Variants in FBXL13 observed in about 807,000 individuals in gnomAD.
The protein encoded by FBXL13 is F-box and leucine-rich repeat protein 13.
Under a neutral mutation model 83.6 loss-of-function variants are expected in FBXL13, and 67 were observed. The ratio of observed to expected loss-of-function variants is 0.80; its 90% confidence interval spans 0.66 to 0.98. The LOEUF is 0.98. Among genes scored for constraint, FBXL13 ranks in the 50% least tolerant of loss-of-function variants. The pLI, the probability that FBXL13 is intolerant of heterozygous loss-of-function variation, is 0.00. For missense variants in FBXL13, 822 were observed against 866.5 expected (o/e 0.95, Z 0.64); for synonymous variants, 272 against 299.5 (o/e 0.91, Z 0.95).
intron 2 of FBXL13, among the ~76,000 whole-genome samples, chr7:103,043,205 C>G (rs1391011421): frequency 6.6e-6 from 1 of 152,012 alleles, no homozygotes; most frequent in African/African-American, 2.4e-5. Flanking sequence ...ATGCAGCCAA[C>G]AAACATATGA....
intron 1 of FBXL13, chr7:103,074,174 G>C (rs2129515575): frequency 1.1e-6 from 1 of 938,728 alleles, no homozygotes; most frequent in South Asian, 4.8e-5. Context: ...AAAGGTCTCA[G>C]CTTCCACTCT....
chr7:102,816,756 C>T lies in FBXL13; in HGVS notation c.2019-3225G>A, dbSNP rs10261565. 8.4e-3 allele frequency among the ~76,000 whole-genome samples: 1,280 copies of T among 152,288 alleles called. 22 individuals are homozygous for T. Among genetic ancestry groups the T allele is most frequent in the African/African-American group, 0.029 (1,220 of 41,554 alleles). On this transcript the variant is annotated intron_variant, in intron 19 of 19. Coordinates refer to ENST00000313221, the Ensembl canonical transcript of FBXL13. Reference sequence around the variant, plus strand: ...GCCCAGTAGGTACTTTGTTAACCCTCGCCATCCTCCCTGCCTCCCCACATT... The same window carrying T: ...GCCCAGTAGGTACTTTGTTAACCCTTGCCATCCTCCCTGCCTCCCCACATT...
At chr7:103,021,270 G>A (rs1355580975) in intron 6 of FBXL13, among the ~76,000 whole-genome samples, 1 of 152,126 alleles carries the variant, frequency 6.6e-6, no homozygotes, top group East Asian at 1.9e-4. Context: ...TGGAAAAACT[G>A]GCTAGCCATA....
At chr7:102,811,553 C>T (rs1797436037), downstream of FBXL13, among the ~76,000 whole-genome samples, 1 of 152,190 alleles carries the variant, frequency 6.6e-6, no homozygotes, top group South Asian at 2.1e-4. Flanking sequence ...AGCTTTGGAG[C>T]AAGCTCTGAA....
chr7:102,816,000 C>T (rs1797948414), intron 19 of FBXL13, among the ~76,000 whole-genome samples: 1 of 152,120 alleles, frequency 6.6e-6, no homozygotes, highest in African/African-American at 2.4e-5. Context: ...TGTGATGGGA[C>T]AGAATCGAAA....
chr7:103,023,603 C>T (rs1441910609), intron 6 of FBXL13, among the ~76,000 whole-genome samples: 1 of 152,094 alleles, frequency 6.6e-6, no homozygotes, highest in Non-Finnish European at 1.5e-5. Context: ...GCCATTCAAC[C>T]CAACAATCCC....
At chr7:102,879,113 T>C (rs779646613) in intron 14 of FBXL13, among the ~76,000 whole-genome samples, 3 of 152,310 alleles carry the variant, frequency 2.0e-5, no homozygotes, top group Non-Finnish European at 4.4e-5. Context: ...CTAATTCCAA[T>C]TGAGAACCAC....
intron 14 of FBXL13, among the ~76,000 whole-genome samples, chr7:102,880,964 T>C (rs949342881): frequency 1.3e-5 from 2 of 152,176 alleles, no homozygotes; most frequent in South Asian, 2.1e-4. Context: ...TCACTATTCA[T>C]CTCAAGGAAT....
chr7:102,942,644 T>C (rs1329460004), intron 8 of FBXL13, among the ~76,000 whole-genome samples: 5 of 152,126 alleles, frequency 3.3e-5, no homozygotes, highest in Non-Finnish European at 5.9e-5. Context: ...TTTTAGCAAA[T>C]AGAAAAAATC....
chr7:102,881,097 A>G (rs528699772), intron 14 of FBXL13, among the ~76,000 whole-genome samples: 3 of 152,312 alleles, frequency 2.0e-5, no homozygotes, highest in Admixed American at 6.5e-5. Context: ...TATTTTTGGC[A>G]GAGCCCTTTG....
chr7:102,957,997 A>T (rs1201860806), intron 8 of FBXL13, among the ~76,000 whole-genome samples: 4 of 152,162 alleles, frequency 2.6e-5, no homozygotes, highest in African/African-American at 7.2e-5. Context: ...AAGGATCCAG[A>T]ACTAGAATTA....
At position 102,867,695 on chromosome 7, in the gene FBXL13, ATTTTTTTT is replaced by A. The variant is rs1205859622; in HGVS notation, c.1635+9764_1635+9771del. ...TATATATATATATATATATATATAT[ATTTTTTTT>A]TTTTTTTTTTTTTTTTTGAGACAGA... On this transcript the variant is annotated intron_variant, in intron 16 of 19. Transcript: ENST00000313221. Among the ~76,000 whole-genome samples, 202 of 49,026 alleles carry A rather than the reference ATTTTTTTT, an allele frequency of 4.1e-3. 2 individuals carry two copies. Among genetic ancestry groups the A allele is most frequent in the South Asian group, 0.014 (20 of 1,388 alleles). The allele number at this position is 49,026 out of a possible 152,430, so 32.2% of individuals were successfully genotyped here.
chr7:103,012,224 A>T (rs1342386825), intron 6 of FBXL13, among the ~76,000 whole-genome samples: 1 of 152,020 alleles, frequency 6.6e-6, no homozygotes, highest in Admixed American at 6.6e-5. Flanking sequence ...AAAAATACAA[A>T]ATTAGCCGGG....
chr7:102,871,385 A>T (rs6947387), intron 16 of FBXL13, among the ~76,000 whole-genome samples: 68,659 of 151,582 alleles, frequency 0.45, 16,766 homozygotes, highest in African/African-American at 0.65. Context: ...TAAAAAAAAA[A>T]TTTTAATTTT....
At chr7:102,918,106 A>T (rs1816269809) in intron 10 of FBXL13, among the ~76,000 whole-genome samples, 1 of 152,206 alleles carries the variant, frequency 6.6e-6, no homozygotes, top group African/African-American at 2.4e-5. Flanking sequence ...CAGCAGAAAC[A>T]ACCAACATTT....
chr7:103,057,680 T>C (rs1797466107), intron 1 of FBXL13, among the ~76,000 whole-genome samples: 1 of 152,182 alleles, frequency 6.6e-6, no homozygotes, highest in Non-Finnish European at 1.5e-5. Context: ...GTGGAACTCG[T>C]AAAGTTGCTG....
chr7:102,958,548 AT>A (rs1824659589), intron 8 of FBXL13, among the ~76,000 whole-genome samples: 1 of 148,766 alleles, frequency 6.7e-6, no homozygotes, highest in Non-Finnish European at 1.5e-5. Context: ...AATAATAATA[AT>A]AATAATAATA....
chr7:103,024,244 C>T (rs1026104627), intron 6 of FBXL13, among the ~76,000 whole-genome samples: 3 of 148,704 alleles, frequency 2.0e-5, no homozygotes, highest in African/African-American at 7.4e-5. Flanking sequence ...TTTCTGTCAT[C>T]AGCCGGGTGT....
chr7:103,022,972 T>C (rs960538118), intron 6 of FBXL13, among the ~76,000 whole-genome samples: 1 of 152,076 alleles, frequency 6.6e-6, no homozygotes, highest in African/African-American at 2.4e-5. Flanking sequence ...TAAACAAATT[T>C]ACAAGAAAAA....
Sources: gnomAD v4.1 joint callset for allele counts (sites outside exome capture counted in the v4.1 genomes callset) on GRCh38, gnomAD v4.1.1 for gene constraint, MANE v1.5 for transcripts, NCBI Gene and HGNC (gene_info 2026-07-23, HGNC 2026-07-21) for gene names.